Variants in ETFBKMT observed in about 807,000 individuals in gnomAD.
The protein encoded by ETFBKMT is electron transfer flavoprotein subunit beta lysine methyltransferase.
In ETFBKMT, 13 loss-of-function variants were observed where a neutral mutation model predicts 18.3. The observed-to-expected ratio is 0.71, with a 90% CI of 0.46 to 1.13. The LOEUF is 1.13. Among genes scored for constraint, ETFBKMT ranks in the 50% most tolerant of loss-of-function variants. The probability of loss-of-function intolerance (pLI) is 0.00; values close to 1 mark genes in which losing one functional copy is unlikely to be tolerated. For missense variants in ETFBKMT, 293 were observed against 306.2 expected (o/e 0.96, Z 0.32); for synonymous variants, 84 against 107.9 (o/e 0.78, Z 1.37).
At chr12:31,657,967 C>A (rs1054428614), upstream of ETFBKMT, among the ~76,000 whole-genome samples, 1 of 152,224 alleles carries the variant, frequency 6.6e-6, no homozygotes, top group Middle Eastern at 3.4e-3. Context: ...GTTGCAGTCC[C>A]TTCAGCCAAG....
intron 1 of ETFBKMT, among the ~76,000 whole-genome samples, chr12:31,652,092 G>T (rs1358301603): frequency 6.6e-6 from 1 of 152,096 alleles, no homozygotes; most frequent in African/African-American, 2.4e-5. Context: ...CTTCCCCTGC[G>T]CACAGTGTAA....
intron 1 of ETFBKMT, among the ~76,000 whole-genome samples, chr12:31,650,492 A>G (rs1448446627): frequency 1.3e-5 from 2 of 152,238 alleles, no homozygotes; most frequent in East Asian, 3.9e-4. Flanking sequence ...ACTTTCTTAA[A>G]CTTGCTTTCA....
Position 31,667,989 on chromosome 12 carries a change from G to T in ETFBKMT, c.788G>T (p.Ter263LeuextTer29), listed in dbSNP as rs757539947. Reference sequence around the variant, plus strand: ...AGCACAGTGTGGGGTTTTCAGCCTTGAGTTGTCAAAGTGCTTCCAAGTATG... The same window carrying T: ...AGCACAGTGTGGGGTTTTCAGCCTTTAGTTGTCAAAGTGCTTCCAAGTATG... ...TTSTVWGFQP[*>L] The change falls in exon 4 of 4, where the codon TGA (stop) becomes TTA (leucine). Residue 263 changes from the stop codon to leucine (L), a stop_lost. Coordinates refer to ENST00000357721, the MANE Select transcript of ETFBKMT (RefSeq NM_001135863.2). The T allele has an allele frequency of 6.2e-7, 1 of 1,609,112 alleles. No individual in the cohort carries two copies. The highest frequency in any genetic ancestry group is 8.5e-7 in the Non-Finnish European group (1 of 1,176,590).
Position 31,668,402 on chromosome 12 carries a change from T to G in ETFBKMT, c.*412T>G, listed in dbSNP as rs1398337149. 1 of 152,884 alleles carries G rather than the reference T, an allele frequency of 6.5e-6. No individual in the cohort carries two copies. Among genetic ancestry groups the G allele is most frequent in the Non-Finnish European group, 1.5e-5 (1 of 68,668 alleles). 9.5% of individuals were successfully genotyped at this position (152,884 alleles called of 1,614,324 possible). On this transcript the variant is annotated 3_prime_UTR_variant, in exon 4 of 4. Coordinates refer to ENST00000357721, the MANE Select transcript of ETFBKMT (RefSeq NM_001135863.2). Reference sequence around the variant, plus strand: ...AGAAGACTATATATATATTTTTTCTTTTTTTAGAGACAGTCTCACTTTGCT... The same window carrying G: ...AGAAGACTATATATATATTTTTTCTGTTTTTAGAGACAGTCTCACTTTGCT...
chr12:31,649,248 T>C (rs754068398), intron 1 of ETFBKMT, among the ~76,000 whole-genome samples: 1 of 152,232 alleles, frequency 6.6e-6, no homozygotes, highest in African/African-American at 2.4e-5. Flanking sequence ...CAAATTTTTT[T>C]CCCCAATTTT....
upstream of ETFBKMT, among the ~76,000 whole-genome samples, chr12:31,654,749 G>T (rs373590503): frequency 3.2e-4 from 49 of 152,224 alleles, 1 homozygote; most frequent in East Asian, 4.1e-3. Context: ...AGCCAAGAAT[G>T]GTTGTGGTAG....
Position 31,666,103 on chromosome 12 carries a change from C to G in ETFBKMT, c.331C>G (p.Pro111Ala). ...TTAATTTAGGTATCTTTTGGATAATCCTGATGTTGTCAGAGGAAAATCTGT... is the reference window on the plus strand; with the variant it reads ...TTAATTTAGGTATCTTTTGGATAATGCTGATGTTGTCAGAGGAAAATCTGT... ...QALSRYLLDN[P>A]DVVRGKSVLD... Residue 111 changes from proline to alanine, a missense_variant, in exon 3 of 4, where the codon CCT becomes GCT. Pro to Ala is a conservative substitution (Grantham distance 27, BLOSUM62 -1). Coordinates refer to ENST00000357721, the MANE Select transcript of ETFBKMT (RefSeq NM_001135863.2). The G allele has an allele frequency of 6.2e-7, 1 of 1,612,706 alleles. No individual in the cohort carries two copies. The highest frequency in any genetic ancestry group is 1.1e-5 in the South Asian group (1 of 91,024).
Position 31,671,160 on chromosome 12 carries a change from T to A in ETFBKMT, c.*3170T>A, listed in dbSNP as rs1187652989. ...GATTGACTTGGTTAAATATTCAGTA[T>A]TAAATTTTATTGAATTTGTCTTTAG... On this transcript the variant is annotated 3_prime_UTR_variant, in exon 4 of 4. Coordinates refer to ENST00000357721, the MANE Select transcript of ETFBKMT (RefSeq NM_001135863.2). The A allele has an allele frequency of 6.6e-6, 1 of 152,244 alleles. No homozygotes were observed. Among genetic ancestry groups the A allele is most frequent in the Non-Finnish European group, 1.5e-5 (1 of 68,040 alleles). 9.4% of individuals were successfully genotyped at this position (152,244 alleles called of 1,614,324 possible).
chr12:31,653,434 G>A (rs1332932879), intron 1 of ETFBKMT, among the ~76,000 whole-genome samples: 1 of 138,956 alleles, frequency 7.2e-6, no homozygotes, highest in Non-Finnish European at 1.6e-5. Context: ...GTCAGTTGTC[G>A]GATGTTTAGG....
intron 1 of ETFBKMT, among the ~76,000 whole-genome samples, chr12:31,652,479 T>G (rs1346845646): frequency 6.6e-6 from 1 of 152,218 alleles, no homozygotes; most frequent in Non-Finnish European, 1.5e-5. Context: ...GTCCAAAAGG[T>G]ATAAAAGCTT....
intron 2 of ETFBKMT, among the ~76,000 whole-genome samples, chr12:31,663,744 TTA>T (rs1174171767): frequency 6.6e-5 from 10 of 152,206 alleles, no homozygotes; most frequent in Non-Finnish European, 8.8e-5. Flanking sequence ...TCATGGCCTT[TTA>T]TATGTTTTTT....
chr12:31,656,577 G>A (rs1951063934), upstream of ETFBKMT, among the ~76,000 whole-genome samples: 1 of 152,206 alleles, frequency 6.6e-6, no homozygotes, highest in Non-Finnish European at 1.5e-5. Flanking sequence ...AGTGGAGCAA[G>A]AGAAACCATC....
chr12:31,672,753 T>C lies in ETFBKMT; in HGVS notation c.*4763T>C, dbSNP rs1951308797. ...AGATGATTCACTAAAGTGGGGTGAC[T>C]GAACAGCATTTAATGAAGGGAATAT... is the stretch of plus-strand genomic sequence containing the variant. On this transcript the variant is annotated 3_prime_UTR_variant, in exon 4 of 4. Coordinates refer to ENST00000357721, the MANE Select transcript of ETFBKMT (RefSeq NM_001135863.2). 1.1e-5 allele frequency: 2 copies of C among 175,748 alleles called. No individual in the cohort carries two copies. The highest frequency in any genetic ancestry group is 2.4e-5 in the Non-Finnish European group (2 of 83,050). 10.9% of individuals were successfully genotyped at this position (175,748 alleles called of 1,614,324 possible). A position where few individuals can be genotyped will look rare whatever the true frequency, so the allele number is the denominator to read the frequency against.
In ETFBKMT at chr12:31,661,856, T is replaced by C. The variant is rs1951128567; in HGVS notation, c.-98T>C. ...TTTTTTTCAGAGTCAGAGGTTCCGG[T>C]TGAGATCAAGTTGGGAGACACACCC... On this transcript the variant is annotated 5_prime_UTR_variant, in exon 2 of 4. Transcript: ENST00000357721. 1 of 1,091,250 alleles carries C rather than the reference T, an allele frequency of 9.2e-7. No homozygotes were observed. The highest frequency in any genetic ancestry group is 1.3e-6 in the Non-Finnish European group (1 of 742,956). The allele number at this position is 1,091,250 out of a possible 1,614,324, so 67.6% of individuals were successfully genotyped here. A position where few individuals can be genotyped will look rare whatever the true frequency, so the allele number is the denominator to read the frequency against.
rs1951251747 is a variant in ETFBKMT, at chr12:31,670,465, G to GC, written c.*2475_*2476insC. Reference sequence around the variant, plus strand: ...CTGGAAATTTTTGTTGTTGTTGTTGGGTGTTTTGTTTTGTTTGTTTTTAGA... The same window carrying GC: ...CTGGAAATTTTTGTTGTTGTTGTTGGCGTGTTTTGTTTTGTTTGTTTTTAGA... On this transcript the variant is annotated 3_prime_UTR_variant, in exon 4 of 4. Coordinates refer to ENST00000357721, the MANE Select transcript of ETFBKMT (RefSeq NM_001135863.2). 1 of 147,258 alleles carries GC rather than the reference G, an allele frequency of 6.8e-6. No individual in the cohort carries two copies. The highest frequency in any genetic ancestry group is 1.5e-5 in the Non-Finnish European group (1 of 66,388). 9.1% of individuals were successfully genotyped at this position (147,258 alleles called of 1,614,324 possible). A position where few individuals can be genotyped will look rare whatever the true frequency, so the allele number is the denominator to read the frequency against.
At position 31,671,339 on chromosome 12, in the gene ETFBKMT, C is replaced by A. The variant is rs956789555; in HGVS notation, c.*3349C>A. ...ATGGAGTTGAATAAGTACCCCCCAACATATACAAGAAAGTTAGCATACTTA... is the reference window on the plus strand; with the variant it reads ...ATGGAGTTGAATAAGTACCCCCCAAAATATACAAGAAAGTTAGCATACTTA... On this transcript the variant is annotated 3_prime_UTR_variant, in exon 4 of 4. Transcript: ENST00000357721. The A allele has an allele frequency of 6.6e-6, 1 of 152,150 alleles. No individual in the cohort carries two copies. The highest frequency in any genetic ancestry group is 2.4e-5 in the African/African-American group (1 of 41,418). 9.4% of individuals were successfully genotyped at this position (152,150 alleles called of 1,614,324 possible).
chr12:31,650,051 C>T (rs1951003317), intron 1 of ETFBKMT, among the ~76,000 whole-genome samples: 1 of 149,932 alleles, frequency 6.7e-6, no homozygotes, highest in Non-Finnish European at 1.5e-5. Flanking sequence ...GCACTCAGCC[C>T]TGCTGTCAGA....
intron 3 of ETFBKMT, among the ~76,000 whole-genome samples, chr12:31,667,274 C>T (rs866746924): frequency 1.3e-5 from 2 of 152,214 alleles, no homozygotes; most frequent in Admixed American, 6.5e-5. Flanking sequence ...GGATTATAGG[C>T]GTGAGCCACT....
In ETFBKMT at chr12:31,668,268, G is replaced by A. The variant is rs1488056128; in HGVS notation, c.*278G>A. Reference sequence around the variant, plus strand: ...TACAATGCCATACTCAATGGTGGCAGCATTTAATTTAAGTAATGGAGAAGA... The same window carrying A: ...TACAATGCCATACTCAATGGTGGCAACATTTAATTTAAGTAATGGAGAAGA... On this transcript the variant is annotated 3_prime_UTR_variant, in exon 4 of 4. Coordinates refer to ENST00000357721, the MANE Select transcript of ETFBKMT (RefSeq NM_001135863.2). 6.7e-6 allele frequency: 2 copies of A among 297,870 alleles called. No homozygotes were observed. Among genetic ancestry groups the A allele is most frequent in the Non-Finnish European group, 1.2e-5 (2 of 162,398 alleles). The allele number at this position is 297,870 out of a possible 1,614,324, so 18.5% of individuals were successfully genotyped here.
Sources: gnomAD v4.1 joint callset for allele counts (sites outside exome capture counted in the v4.1 genomes callset) on GRCh38, gnomAD v4.1.1 for gene constraint, MANE v1.5 for transcripts, NCBI Gene and HGNC (gene_info 2026-07-23, HGNC 2026-07-21) for gene names.